Variants in ZNF385D observed in about 807,000 individuals in gnomAD.
The protein encoded by ZNF385D is zinc finger protein 659.
ZNF385D carries 15 observed loss-of-function variants against 35.8 expected under a neutral mutation model. The observed-to-expected ratio is 0.42, with a 90% CI of 0.28 to 0.64. The LOEUF is 0.64. ZNF385D is among the 30% of genes least tolerant of loss of function. The probability of loss-of-function intolerance (pLI) is 0.23; values close to 1 mark genes in which losing one functional copy is unlikely to be tolerated. For missense variants in ZNF385D, 474 were observed against 494.6 expected (o/e 0.96, Z 0.39); for synonymous variants, 212 against 186.8 (o/e 1.13, Z -1.10).
At chr3:22,329,300 C>G (rs115818797) in intron 2 of ZNF385D, among the ~76,000 whole-genome samples, 1 of 151,894 alleles carries the variant, frequency 6.6e-6, no homozygotes, top group East Asian at 1.9e-4. Flanking sequence ...TGGTTTGGTA[C>G]AATATTTTTA....
intron 3 of ZNF385D, among the ~76,000 whole-genome samples, chr3:22,068,804 C>T (rs1700091766): frequency 6.6e-6 from 1 of 152,186 alleles, no homozygotes; most frequent in Non-Finnish European, 1.5e-5. Flanking sequence ...TTGGCATATG[C>T]ACAACTGTGA....
chr3:21,715,061 G>A (rs12106696), intron 1 of ZNF385D, among the ~76,000 whole-genome samples: 81,562 of 151,786 alleles, frequency 0.54, 22,590 homozygotes, highest in African/African-American at 0.65. Context: ...CCACTTGTTC[G>A]TCTTACATAT....
intron 2 of ZNF385D, among the ~76,000 whole-genome samples, chr3:21,589,495 T>A (rs917345903): frequency 2.6e-5 from 4 of 152,196 alleles, no homozygotes; most frequent in African/African-American, 9.7e-5. Context: ...AGAAAAATAT[T>A]TTAATGGCCT....
At chr3:21,990,919 G>C (rs1008762618) in intron 3 of ZNF385D, among the ~76,000 whole-genome samples, 1 of 152,138 alleles carries the variant, frequency 6.6e-6, no homozygotes, top group Non-Finnish European at 1.5e-5. Flanking sequence ...TGATACAGCG[G>C]ATCTATCTTT....
At chr3:22,117,007 A>G (rs1159956977) in intron 3 of ZNF385D, among the ~76,000 whole-genome samples, 1 of 152,026 alleles carries the variant, frequency 6.6e-6, no homozygotes, top group African/African-American at 2.4e-5. Flanking sequence ...ATAGCTTAGG[A>G]AAGTTAAATA....
intron 3 of ZNF385D, among the ~76,000 whole-genome samples, chr3:22,140,880 T>C (rs1043540766): frequency 6.6e-6 from 1 of 152,200 alleles, no homozygotes; most frequent in African/African-American, 2.4e-5. Flanking sequence ...AGAAGACAAA[T>C]GAGACAATAC....
intron 3 of ZNF385D, chr3:22,168,778 A>G (rs998637610): frequency 2.1e-6 from 2 of 972,068 alleles, no homozygotes; most frequent in African/African-American, 3.5e-5. Context: ...ACTTAAATTG[A>G]TGATGTAAAA....
At chr3:21,492,892 T>C (rs1705542963) in intron 4 of ZNF385D, among the ~76,000 whole-genome samples, 1 of 152,064 alleles carries the variant, frequency 6.6e-6, no homozygotes. Context: ...ATGTTACCTT[T>C]ACCTTTTTGA....
chr3:21,752,233 G>A (rs754488262), upstream of ZNF385D, among the ~76,000 whole-genome samples: 8 of 152,088 alleles, frequency 5.3e-5, no homozygotes, highest in Admixed American at 1.3e-4. Flanking sequence ...AGCAAGTTCC[G>A]TTTCCTAAGG....
chr3:21,512,531 G>T (rs1707291067), intron 3 of ZNF385D, among the ~76,000 whole-genome samples: 1 of 152,144 alleles, frequency 6.6e-6, no homozygotes, highest in South Asian at 2.1e-4. Context: ...ATTCTAGCAA[G>T]ATATCCTCAA....
At chr3:21,964,012 A>G (rs1429809777) in intron 3 of ZNF385D, among the ~76,000 whole-genome samples, 17 of 152,204 alleles carry the variant, frequency 1.1e-4, no homozygotes, top group Admixed American at 1.1e-3. Context: ...GTATTACATT[A>G]AATATTCATT....
intron 2 of ZNF385D, among the ~76,000 whole-genome samples, chr3:22,353,760 T>A (rs1184250150): frequency 6.6e-6 from 1 of 152,112 alleles, no homozygotes. Flanking sequence ...TTACTCTCCA[T>A]CCTACCTCAG....
intron 2 of ZNF385D, among the ~76,000 whole-genome samples, chr3:21,596,079 T>C (rs1434130116): frequency 6.6e-6 from 1 of 152,222 alleles, no homozygotes; most frequent in Non-Finnish European, 1.5e-5. Context: ...GTCTGAAGCA[T>C]AATGAACATT....
At chr3:21,726,659 A>G (rs934061732) in intron 1 of ZNF385D, among the ~76,000 whole-genome samples, 5 of 152,196 alleles carry the variant, frequency 3.3e-5, no homozygotes, top group Non-Finnish European at 5.9e-5. Flanking sequence ...CCACTGATCA[A>G]GGAAATAAGA....
intron 3 of ZNF385D, among the ~76,000 whole-genome samples, chr3:21,922,285 T>A (rs199645961): frequency 5.1e-5 from 2 of 39,152 alleles, no homozygotes; most frequent in Admixed American, 2.0e-4. Flanking sequence ...AGAAAAAAAA[T>A]TTTATAAAAA....
chr3:22,127,040 C>T (rs1338590141), intron 3 of ZNF385D, among the ~76,000 whole-genome samples: 1 of 151,920 alleles, frequency 6.6e-6, no homozygotes, highest in East Asian at 1.9e-4. Context: ...CTTTTTCCAT[C>T]TCATTATTTT....
intron 3 of ZNF385D, among the ~76,000 whole-genome samples, chr3:21,883,018 T>G (rs1451261831): frequency 2.0e-5 from 3 of 152,008 alleles, no homozygotes; most frequent in Non-Finnish European, 4.4e-5. Context: ...AATATCATTC[T>G]GAGAAAATAT....
intron 2 of ZNF385D, among the ~76,000 whole-genome samples, chr3:22,177,616 G>A (rs1488622495): frequency 4.6e-5 from 7 of 152,076 alleles, no homozygotes; most frequent in African/African-American, 7.2e-5. Context: ...AAGTTTCAGG[G>A]TTTAAGTGCA....
chr3:21,508,383 G>A (rs73819025), intron 4 of ZNF385D, among the ~76,000 whole-genome samples: 4,022 of 152,072 alleles, frequency 0.026, 174 homozygotes, highest in African/African-American at 0.091. Context: ...GGGTGGGGTG[G>A]GGGTGTTAAG....
Sources: allele counts gnomAD v4.1 joint callset (sites outside exome capture counted in the v4.1 genomes callset), GRCh38; gene constraint gnomAD v4.1.1; transcripts MANE v1.5; gene names NCBI Gene and HGNC (gene_info 2026-07-23, HGNC 2026-07-21).